Variants in BMP7 observed in about 807,000 individuals in gnomAD.
BMP7 encodes the protein osteogenic protein 1.
A neutral mutation model predicts 41.2 loss-of-function variants in BMP7; 12 were observed. The observed-to-expected ratio is 0.29, with a 90% CI of 0.19 to 0.47. BMP7 has a LOEUF of 0.47. BMP7 is among the 20% of genes least tolerant of loss of function. BMP7 has a pLI of 0.99. For missense variants in BMP7, 467 were observed against 606.0 expected (o/e 0.77, Z 2.41); for synonymous variants, 248 against 250.0 (o/e 0.99, Z 0.07).
At chr20:57,232,305 G>A (rs918810523) in intron 1 of BMP7, among the ~76,000 whole-genome samples, 3 of 152,216 alleles carry the variant, frequency 2.0e-5, no homozygotes, top group African/African-American at 7.2e-5. Context: ...AGCCATTTGA[G>A]TCTGCCATTG....
chr20:57,223,234 A>AAG (rs151105715), intron 2 of BMP7, among the ~76,000 whole-genome samples: 1,519 of 24,088 alleles, frequency 0.063, 28 homozygotes, highest in African/African-American at 0.33. Flanking sequence ...CATCTCAAAA[A>AAG]AAAAAAAAAA....
intron 4 of BMP7, among the ~76,000 whole-genome samples, chr20:57,178,655 G>A (rs1283426553): frequency 6.6e-6 from 1 of 152,140 alleles, no homozygotes; most frequent in African/African-American, 2.4e-5. Flanking sequence ...AATGCCCAGG[G>A]CCACAGGTAG....
intron 2 of BMP7, among the ~76,000 whole-genome samples, chr20:57,204,269 C>G (rs1395308704): frequency 6.6e-6 from 1 of 152,172 alleles, no homozygotes; most frequent in Admixed American, 6.5e-5. Context: ...GCTCCAGCCC[C>G]CAGCTCTCCG....
chr20:57,256,104 C>T (rs972607429), intron 1 of BMP7, among the ~76,000 whole-genome samples: 8 of 152,202 alleles, frequency 5.3e-5, no homozygotes, highest in African/African-American at 1.9e-4. Flanking sequence ...CAATTGAGTA[C>T]TTCAGTGAGA....
chr20:57,209,752 C>T lies in BMP7; in HGVS notation c.612-7129G>A, dbSNP rs6092439. Among the ~76,000 whole-genome samples the T allele has an allele frequency of 8.9e-3, 1,363 of 152,338 alleles. 18 individuals carry two copies. The highest frequency in any genetic ancestry group is 0.031 in the African/African-American group (1,304 of 41,564). ...CACACAGCTGCATGAAACATTTACA[C>T]GCATACACACCAGAGTGGTAGCAAC... On this transcript the variant is annotated intron_variant, in intron 2 of 6. Coordinates refer to ENST00000395863, the MANE Select transcript of BMP7 (RefSeq NM_001719.3).
Position 57,216,560 on chromosome 20 carries a change from C to T in BMP7, c.611+11669G>A, listed in dbSNP as rs1031643147. 1.0e-4 allele frequency among the ~76,000 whole-genome samples: 15 copies of T among 149,126 alleles called. No homozygotes were observed. The South Asian group carries it at 2.3e-3, about 23-fold the overall frequency. On this transcript the variant is annotated intron_variant, in intron 2 of 6. Coordinates refer to ENST00000395863, the MANE Select transcript of BMP7 (RefSeq NM_001719.3). ...CTGTCTCCTGAGGGCGAGGGGCTGTCTCCTGAGGGTGAGGGGCTGTCTCTT... is the reference window on the plus strand; with the variant it reads ...CTGTCTCCTGAGGGCGAGGGGCTGTTTCCTGAGGGTGAGGGGCTGTCTCTT...
intron 2 of BMP7, among the ~76,000 whole-genome samples, chr20:57,222,632 C>A (rs1164403873): frequency 1.3e-5 from 2 of 152,082 alleles, no homozygotes; most frequent in African/African-American, 4.8e-5. Context: ...TCTGACCTTC[C>A]AGGACATCCT....
chr20:57,209,195 C>A (rs945688750), intron 2 of BMP7, among the ~76,000 whole-genome samples: 2 of 144,290 alleles, frequency 1.4e-5, no homozygotes, highest in Non-Finnish European at 3.0e-5. Context: ...GTAGCAAGGG[C>A]GAAACTCTGT....
chr20:57,173,542 G>T, intron 5 of BMP7: 1 of 608,230 alleles, frequency 1.6e-6, no homozygotes, highest in Non-Finnish European at 2.9e-6. Flanking sequence ...TATAGTCCAA[G>T]CTTAGTAGAC....
At chr20:57,204,302 C>A (rs905556828) in intron 2 of BMP7, among the ~76,000 whole-genome samples, 2 of 152,184 alleles carry the variant, frequency 1.3e-5, no homozygotes, top group African/African-American at 2.4e-5. Context: ...AGACAGCCAC[C>A]GCTATTTATC....
At chr20:57,191,605 C>T (rs1420621569) in intron 3 of BMP7, among the ~76,000 whole-genome samples, 1 of 151,708 alleles carries the variant, frequency 6.6e-6, no homozygotes, top group Non-Finnish European at 1.5e-5. Flanking sequence ...TGGTGCACGC[C>T]TGTAATCCCA....
Position 57,214,962 on chromosome 20 carries a change from G to A in BMP7, c.612-12339C>T, listed in dbSNP as rs1489699343. 6.6e-6 allele frequency: 1 copy of A among 152,210 alleles called. No homozygotes were observed. Among genetic ancestry groups the A allele is most frequent in the African/African-American group, 2.4e-5 (1 of 41,446 alleles). The allele number at this position is 152,210 out of a possible 1,614,324, so 9.4% of individuals were successfully genotyped here. A position where few individuals can be genotyped will look rare whatever the true frequency, so the allele number is the denominator to read the frequency against. On this transcript the variant is annotated intron_variant, in intron 2 of 6. Transcript: ENST00000395863. This position sits in a 1 kb window ranked among gnomAD's most constrained non-coding sequence, Gnocchi z 4.0. Reference sequence around the variant, plus strand: ...TCCTTATGGCCAGTAAGGTTTTCTGGTTTCACTTCCAATAGTTTACATTAT... The same window carrying A: ...TCCTTATGGCCAGTAAGGTTTTCTGATTTCACTTCCAATAGTTTACATTAT...
At chr20:57,200,602 C>T (rs1984596606) in intron 3 of BMP7, among the ~76,000 whole-genome samples, 1 of 152,122 alleles carries the variant, frequency 6.6e-6, no homozygotes, top group Non-Finnish European at 1.5e-5. Context: ...GAAGGTTTCC[C>T]CAACATCTAC....
rs527751642 is a variant in BMP7, at chr20:57,219,377, A to G, written c.611+8852T>C. On this transcript the variant is annotated intron_variant, in intron 2 of 6. Transcript: ENST00000395863. ...AAGTATGTTCAACTTCGGCTGTGTC[A>G]CCCAGAGGTACTTGACATCCCTCCC... Among the ~76,000 whole-genome samples, 31 of 126,564 alleles carry G rather than the reference A, an allele frequency of 2.4e-4. No homozygotes were observed. In the East Asian group the frequency reaches 6.2e-3, roughly 25 times the overall value. The allele number at this position is 126,564 out of a possible 152,430, so 83.0% of individuals were successfully genotyped here.
intron 3 of BMP7, among the ~76,000 whole-genome samples, chr20:57,187,366 C>T (rs1162288075): frequency 6.6e-6 from 1 of 152,198 alleles, no homozygotes; most frequent in Non-Finnish European, 1.5e-5. Flanking sequence ...GCAGTTGTGC[C>T]TTACATAGCC....
In BMP7 at chr20:57,261,053, G is replaced by A. The variant is rs2146033100; in HGVS notation, c.418+4652C>T. 6.6e-6 allele frequency among the ~76,000 whole-genome samples: 1 copy of A among 152,334 alleles called. No homozygotes were observed. Among genetic ancestry groups the A allele is most frequent in the South Asian group, 2.1e-4 (1 of 4,826 alleles). ...AGGGAGAGATATTAAAGTGATAGGA[G>A]TGATCAATCAACTTAGATGGGACTC... is the stretch of plus-strand genomic sequence containing the variant. On this transcript the variant is annotated intron_variant, in intron 1 of 6. Coordinates refer to ENST00000395863, the MANE Select transcript of BMP7 (RefSeq NM_001719.3). This position sits in a 1 kb window ranked among gnomAD's most constrained non-coding sequence, Gnocchi z 4.1.
intron 4 of BMP7, among the ~76,000 whole-genome samples, chr20:57,178,533 G>T (rs1177323697): frequency 6.6e-6 from 1 of 152,044 alleles, no homozygotes; most frequent in Non-Finnish European, 1.5e-5. Context: ...AACACAGGAA[G>T]GTCAAGGTCA....
chr20:57,222,514 G>A (rs1330787540), intron 2 of BMP7, among the ~76,000 whole-genome samples: 2 of 152,076 alleles, frequency 1.3e-5, no homozygotes, highest in African/African-American at 2.4e-5. Flanking sequence ...AAGGCATTAA[G>A]GGCCTGCCAC....
At position 57,170,789 on chromosome 20, in the gene BMP7, G is replaced by T; in HGVS notation, c.*170C>A. 1.2e-6 allele frequency: 1 copy of T among 857,590 alleles called. No individual in the cohort carries two copies. Among genetic ancestry groups the T allele is most frequent in the Non-Finnish European group, 1.8e-6 (1 of 544,528 alleles). 53.1% of individuals were successfully genotyped at this position (857,590 alleles called of 1,614,324 possible). A position where few individuals can be genotyped will look rare whatever the true frequency, so the allele number is the denominator to read the frequency against. ...CATTGGATGCTGCCACTGAAAAACT[G>T]ATCAAAAGCCATATGCTGCTCATGT... On this transcript the variant is annotated 3_prime_UTR_variant, in exon 7 of 7. Transcript: ENST00000395863.
Sources: gnomAD v4.1 joint callset for allele counts (sites outside exome capture counted in the v4.1 genomes callset) on GRCh38, gnomAD v4.1.1 for gene constraint, Gnocchi (gnomAD v3.1) non-coding constraint, MANE v1.5 for transcripts, NCBI Gene and HGNC (gene_info 2026-07-23, HGNC 2026-07-21) for gene names.